The following KIAA1217 variants were observed in gnomAD, a reference collection of about 807,000 sequenced individuals.
KIAA1217 encodes KIAA1217, also known as sickle tail protein homolog.
A neutral mutation model predicts 163.9 loss-of-function variants in KIAA1217; 88 were observed. The observed-to-expected ratio is 0.54, with a 90% CI of 0.45 to 0.64. KIAA1217 has a LOEUF of 0.64. KIAA1217 is among the 30% of genes least tolerant of loss of function. The pLI is 0.00. For synonymous variants in KIAA1217, 903 were observed against 923.1 expected, an observed-to-expected ratio of 0.98 and a Z score of 0.39; for missense variants, 2,372 against 2,475.0, an observed-to-expected ratio of 0.96 and a Z score of 0.88.
chr10:23,832,026 G>T (rs1333371043), intron 1 of KIAA1217, among the ~76,000 whole-genome samples: 1 of 152,118 alleles, frequency 6.6e-6, no homozygotes, highest in Non-Finnish European at 1.5e-5. Flanking sequence ...CACCAACTGG[G>T]TATCCTACAA....
chr10:24,522,665 C>T (rs1241602469), intron 12 of KIAA1217, among the ~76,000 whole-genome samples: 5 of 152,222 alleles, frequency 3.3e-5, no homozygotes, highest in Non-Finnish European at 4.4e-5. Context: ...TCCACACTCA[C>T]TGAAAACACA....
At chr10:24,359,082 C>CTTTTTT (rs202024336) in intron 2 of KIAA1217, among the ~76,000 whole-genome samples, 98 of 81,498 alleles carry the variant, frequency 1.2e-3, no homozygotes, top group Non-Finnish European at 1.7e-3. Context: ...TTCTTTCTTT[C>CTTTTTT]TTTTTTTTTT....
chr10:24,231,412 C>T (rs1226982120), intron 2 of KIAA1217, among the ~76,000 whole-genome samples: 1 of 152,196 alleles, frequency 6.6e-6, no homozygotes. Flanking sequence ...AGAGCAAGCA[C>T]TGCACGTGAA....
In KIAA1217 at chr10:23,832,351, C is replaced by A. The variant is rs187019523; in HGVS notation, c.-321+137117C>A. On this transcript the variant is annotated intron_variant, in intron 1 of 18. Transcript: ENST00000376462. Reference sequence around the variant, plus strand: ...GGAGGAAGGGTGCAGAGATCTCATGCCCTCTCTGGGCACACCGCACTCCCG... The same window carrying A: ...GGAGGAAGGGTGCAGAGATCTCATGACCTCTCTGGGCACACCGCACTCCCG... Among the ~76,000 whole-genome samples the A allele has an allele frequency of 2.0e-5, 3 of 152,266 alleles. No individual in the cohort carries two copies. The East Asian group carries it at 5.8e-4, about 29-fold the overall frequency.
chr10:23,701,804 G>A (rs558638726), intron 1 of KIAA1217, among the ~76,000 whole-genome samples: 3 of 152,244 alleles, frequency 2.0e-5, no homozygotes, highest in African/African-American at 7.2e-5. Context: ...TTGCGTGTAC[G>A]TGTTAAAGTT....
chr10:23,985,364 T>C (rs1322443396), intron 1 of KIAA1217, among the ~76,000 whole-genome samples: 2 of 143,872 alleles, frequency 1.4e-5, no homozygotes, highest in African/African-American at 4.9e-5. Context: ...TTCATCAGAC[T>C]CTTGTAATAC....
At chr10:23,828,232 A>G (rs1837997455) in intron 1 of KIAA1217, among the ~76,000 whole-genome samples, 2 of 152,142 alleles carry the variant, frequency 1.3e-5, no homozygotes, top group South Asian at 4.1e-4. Context: ...CTGGTGTTAT[A>G]AAACCATACC....
chr10:24,029,196 C>T (rs1455706684), intron 2 of KIAA1217, among the ~76,000 whole-genome samples: 1 of 152,032 alleles, frequency 6.6e-6, no homozygotes, highest in African/African-American at 2.4e-5. Context: ...TGCATGATAT[C>T]TCAAAAACAG....
intron 8 of KIAA1217, among the ~76,000 whole-genome samples, chr10:24,500,499 C>T (rs534415891): frequency 8.5e-5 from 13 of 152,076 alleles, no homozygotes; most frequent in Non-Finnish European, 1.9e-4. Context: ...TTAGAGTCCC[C>T]TCCTGAAGAA....
chr10:24,315,624 T>C (rs1175317520), intron 2 of KIAA1217, among the ~76,000 whole-genome samples: 2 of 152,056 alleles, frequency 1.3e-5, no homozygotes, highest in Non-Finnish European at 2.9e-5. Flanking sequence ...CCCACACCTG[T>C]AATCCCAGCA....
rs1403640572 is a variant in KIAA1217 at position 23,789,962 on chromosome 10, CAT to C, written c.-321+94732_-321+94733del. ...ATATACATATACATGTATATATACA[CAT>C]ATACATATACATATATACACATATA... On this transcript the variant is annotated intron_variant, in intron 1 of 18. Transcript: ENST00000376462. 2.6e-3 allele frequency among the ~76,000 whole-genome samples: 336 copies of C among 129,868 alleles called. 18 individuals carry two copies. The highest frequency in any genetic ancestry group is 7.8e-3 in the South Asian group (34 of 4,336). The allele number at this position is 129,868 out of a possible 152,430, so 85.2% of individuals were successfully genotyped here.
At chr10:24,038,931 A>G (rs929461706) in intron 2 of KIAA1217, among the ~76,000 whole-genome samples, 1 of 151,962 alleles carries the variant, frequency 6.6e-6, no homozygotes, top group Non-Finnish European at 1.5e-5. Context: ...TTTCGTAGAA[A>G]CAAGGTTTCA....
chr10:23,893,021 G>A (rs1841483173), intron 1 of KIAA1217, among the ~76,000 whole-genome samples: 2 of 151,970 alleles, frequency 1.3e-5, no homozygotes, highest in Admixed American at 6.6e-5. Flanking sequence ...GAGTTAGGGA[G>A]GATTCTCTCT....
chr10:24,255,854 G>GA (rs1481296430), intron 2 of KIAA1217, among the ~76,000 whole-genome samples: 2 of 151,960 alleles, frequency 1.3e-5, no homozygotes, highest in Admixed American at 1.3e-4. Flanking sequence ...TCTTCACTTT[G>GA]AAAAATCTCT....
chr10:23,960,526 G>T (rs1245862789), intron 1 of KIAA1217, among the ~76,000 whole-genome samples: 1 of 150,424 alleles, frequency 6.6e-6, no homozygotes, highest in Non-Finnish European at 1.5e-5. Flanking sequence ...CAAAGTGCTG[G>T]GATTACAGGC....
chr10:24,415,513 C>T (rs991619628), intron 3 of KIAA1217, among the ~76,000 whole-genome samples: 11 of 152,078 alleles, frequency 7.2e-5, no homozygotes, highest in African/African-American at 2.7e-4. Context: ...TATAAAGATA[C>T]ACTTTACAGA....
intron 2 of KIAA1217, among the ~76,000 whole-genome samples, chr10:24,320,381 A>G (rs2043983530): frequency 1.3e-5 from 2 of 152,252 alleles, no homozygotes; most frequent in Non-Finnish European, 1.5e-5. Flanking sequence ...GTTGTGAACA[A>G]TTAAGAATTT....
At chr10:24,165,393 T>G (rs1196167999) in intron 2 of KIAA1217, among the ~76,000 whole-genome samples, 1 of 152,186 alleles carries the variant, frequency 6.6e-6, no homozygotes, top group Non-Finnish European at 1.5e-5. Context: ...CAAGAGATGC[T>G]AGGAATGTGT....
chr10:24,327,440 T>C (rs915768020), intron 2 of KIAA1217, among the ~76,000 whole-genome samples: 7 of 152,296 alleles, frequency 4.6e-5, no homozygotes, highest in Admixed American at 3.3e-4. Context: ...TTGAGTGCTA[T>C]GTGCCTGACA....
Sources: gnomAD v4.1 joint callset for allele counts (sites outside exome capture counted in the v4.1 genomes callset) on GRCh38, gnomAD v4.1.1 for gene constraint, MANE v1.5 for transcripts, NCBI Gene and HGNC (gene_info 2026-07-23, HGNC 2026-07-21) for gene names.